TTC7A: variants seen among roughly 807,000 people sequenced by gnomAD.
TTC7A encodes the protein tetratricopeptide repeat domain 7A.
Under a neutral mutation model 103.7 loss-of-function variants are expected in TTC7A, and 110 were observed. The observed-to-expected ratio is 1.06, with a 90% CI of 0.91 to 1.24. The LOEUF (loss-of-function observed/expected upper bound fraction) is 1.24, where lower values mean the gene tolerates loss of function less well. Ranked by LOEUF, TTC7A falls within the 50% of genes most tolerant of loss-of-function variation. The pLI is 0.00. For synonymous variants in TTC7A, 521 were observed against 467.9 expected, an observed-to-expected ratio of 1.11 and a Z score of -1.47; for missense variants, 1,340 against 1,116.3, an observed-to-expected ratio of 1.20 and a Z score of -2.86.
Position 46,960,015 on chromosome 2 carries a change from G to C in TTC7A, c.517+3008G>C, listed in dbSNP as rs180892719. ...AGACAACTTCATGGAAAGACCTATT[G>C]TTTCCATGTCCAGGTGGTCTGTGCC... is the stretch of plus-strand genomic sequence containing the variant. On this transcript the variant is annotated intron_variant, in intron 3 of 19. Transcript: ENST00000319190. Among the ~76,000 whole-genome samples, 266 of 152,308 alleles carry C rather than the reference G, an allele frequency of 1.7e-3. 1 individual carries two copies. Among genetic ancestry groups the C allele is most frequent in the African/African-American group, 5.8e-3 (243 of 41,558 alleles).
intron 18 of TTC7A, 87 bp from the exon 19 acceptor site, chr2:47,060,682 T>G (rs942687328): frequency 9.1e-5 from 118 of 1,298,758 alleles, no homozygotes; most frequent in African/African-American, 1.5e-5. Context: ...TAAGACTAGT[T>G]CCCTGGCTCT....
intron 5 of TTC7A, among the ~76,000 whole-genome samples, chr2:46,980,038 CACTG>C (rs1674282284): frequency 6.6e-6 from 1 of 152,222 alleles, no homozygotes; most frequent in Non-Finnish European, 1.5e-5. Flanking sequence ...GCTTTCTTGT[CACTG>C]ACTGCCTGGA....
At chr2:47,054,145 C>G in intron 18 of TTC7A, 2 of 985,372 alleles carry the variant, frequency 2.0e-6, no homozygotes, top group African/African-American at 3.5e-5. Context: ...TTGAATGTGG[C>G]GCTGCATCAG....
chr2:47,044,606 C>T (rs1682109550), intron 15 of TTC7A, among the ~76,000 whole-genome samples: 1 of 152,170 alleles, frequency 6.6e-6, no homozygotes, highest in Non-Finnish European at 1.5e-5. Flanking sequence ...GGGTGCAGGG[C>T]ATCCTAAGAA....
chr2:47,006,129 C>T, intron 9 of TTC7A, 70 bp downstream of exon 9: 2 of 1,571,234 alleles, frequency 1.3e-6, no homozygotes, highest in Non-Finnish European at 8.7e-7. Flanking sequence ...CAGACAGAGC[C>T]ATTTGTCCCT....
intron 15 of TTC7A, among the ~76,000 whole-genome samples, chr2:47,041,062 T>TCCC (rs1248545163): frequency 6.6e-6 from 1 of 152,234 alleles, no homozygotes; most frequent in East Asian, 1.9e-4. Flanking sequence ...CCAGTGACTG[T>TCCC]CCCCTGGGAT....
At chr2:47,066,656 G>T (rs1253664934) in intron 19 of TTC7A, among the ~76,000 whole-genome samples, 1 of 152,128 alleles carries the variant, frequency 6.6e-6, no homozygotes, top group Non-Finnish European at 1.5e-5. Context: ...TTCCTCACTG[G>T]GTGTCTCAGT....
Position 47,004,696 on chromosome 2 carries a change from G to A in TTC7A, c.1066-1226G>A, listed in dbSNP as rs190232132. Among the ~76,000 whole-genome samples the A allele has an allele frequency of 6.6e-5, 10 of 151,966 alleles. No homozygotes were observed. In the East Asian group the frequency reaches 1.6e-3, roughly 24 times the overall value. ...CAGGAGAAGGGAGGATGCTGGGGGC[G>A]GCCCCCAGCAGCATCTGCCCAGAAC... is the stretch of plus-strand genomic sequence containing the variant. On this transcript the variant is annotated intron_variant, in intron 8 of 19. Coordinates refer to ENST00000319190, the MANE Select transcript of TTC7A (RefSeq NM_020458.4).
intron 10 of TTC7A, among the ~76,000 whole-genome samples, chr2:47,010,625 C>T (rs1017001207): frequency 2.0e-5 from 3 of 152,152 alleles, no homozygotes; most frequent in African/African-American, 7.2e-5. Context: ...GAATATCTCC[C>T]CTTCCTCTCT....
At chr2:46,955,081 T>C (rs1671729487) in intron 2 of TTC7A, among the ~76,000 whole-genome samples, 1 of 152,218 alleles carries the variant, frequency 6.6e-6, no homozygotes, top group African/African-American at 2.4e-5. Context: ...ACGCATACCC[T>C]GTATTTATCT....
intron 11 of TTC7A, among the ~76,000 whole-genome samples, chr2:47,017,711 A>G (rs1277643456): frequency 2.0e-5 from 3 of 152,110 alleles, no homozygotes; most frequent in Non-Finnish European, 2.9e-5. Flanking sequence ...ACTTATGCTC[A>G]TGTAGAGTCA....
At chr2:47,039,662 G>A (rs188781404) in intron 15 of TTC7A, among the ~76,000 whole-genome samples, 87 of 152,310 alleles carry the variant, frequency 5.7e-4, no homozygotes, top group African/African-American at 1.9e-3. Flanking sequence ...CCTCACATGG[G>A]AACAAGTCCA....
At chr2:46,970,740 A>G (rs912381293) in intron 3 of TTC7A, among the ~76,000 whole-genome samples, 1 of 152,202 alleles carries the variant, frequency 6.6e-6, no homozygotes, top group African/African-American at 2.4e-5. Context: ...GGCAGTGAGC[A>G]ACGAGGCCTG....
chr2:46,964,036 G>C (rs1672616084), intron 3 of TTC7A, among the ~76,000 whole-genome samples: 1 of 152,228 alleles, frequency 6.6e-6, no homozygotes, highest in Non-Finnish European at 1.5e-5. Context: ...CAGAGCCCCA[G>C]AGCGCAGGCA....
chr2:46,942,597 C>G (rs779487756), intron 1 of TTC7A, among the ~76,000 whole-genome samples: 3 of 152,164 alleles, frequency 2.0e-5, no homozygotes, highest in African/African-American at 7.2e-5. Flanking sequence ...CAGACACTGT[C>G]CTGAGCACTT....
intron 3 of TTC7A, among the ~76,000 whole-genome samples, chr2:46,974,181 C>G (rs868580011): frequency 5.1e-4 from 77 of 152,178 alleles, no homozygotes; most frequent in African/African-American, 1.5e-3. Context: ...TATTCCAAAG[C>G]TTAGCTTAGG....
At position 46,972,808 on chromosome 2, in the gene TTC7A, C is replaced by G. The variant is rs114178222; in HGVS notation, c.518-2165C>G. ...AGCACCTACTATGTGAGGTGCTGTT[C>G]TAGGGTTGTGGTTGTCCAAAAAGGT... On this transcript the variant is annotated intron_variant, in intron 3 of 19. Coordinates refer to ENST00000319190, the MANE Select transcript of TTC7A (RefSeq NM_020458.4). Among the ~76,000 whole-genome samples, 1,383 of 152,290 alleles carry G rather than the reference C, an allele frequency of 9.1e-3. 21 individuals are homozygous for G. The highest frequency in any genetic ancestry group is 0.032 in the African/African-American group (1,313 of 41,554).
chr2:46,920,829 C>G (rs1669065685), intron 2 of TTC7A, among the ~76,000 whole-genome samples: 1 of 152,040 alleles, frequency 6.6e-6, no homozygotes, highest in South Asian at 2.1e-4. Flanking sequence ...TTGTATTACT[C>G]TCACATTAAA....
At chr2:47,069,237 C>T (rs1684455509) in intron 19 of TTC7A, among the ~76,000 whole-genome samples, 1 of 152,302 alleles carries the variant, frequency 6.6e-6, no homozygotes, top group South Asian at 2.1e-4. Flanking sequence ...AAGTCAATTT[C>T]TTGGAGGTTC....
Sources: allele counts gnomAD v4.1 joint callset (sites outside exome capture counted in the v4.1 genomes callset), GRCh38; gene constraint gnomAD v4.1.1; transcripts MANE v1.5; gene names NCBI Gene and HGNC (gene_info 2026-07-23, HGNC 2026-07-21).